Variants in TMTC2 observed in about 807,000 individuals in gnomAD.
TMTC2 encodes the protein protein O-mannosyl-transferase TMTC2.
A neutral mutation model predicts 82.4 loss-of-function variants in TMTC2; 43 were observed. That is an observed-to-expected ratio of 0.52 (90% CI 0.41 to 0.67). The LOEUF (loss-of-function observed/expected upper bound fraction) is 0.67, where lower values mean the gene tolerates loss of function less well. Among genes scored for constraint, TMTC2 ranks in the 30% least tolerant of loss-of-function variants. The pLI, the probability that TMTC2 is intolerant of heterozygous loss-of-function variation, is 0.00. For missense variants in TMTC2, 919 were observed against 1,012.4 expected (o/e 0.91, Z 1.25); for synonymous variants, 408 against 381.9 (o/e 1.07, Z -0.80).
chr12:83,088,964 C>T (rs954549728), intron 11 of TMTC2, among the ~76,000 whole-genome samples: 1 of 152,138 alleles, frequency 6.6e-6, no homozygotes, highest in African/African-American at 2.4e-5. Flanking sequence ...CCAGAAAATA[C>T]CTTTTTAGTT....
chr12:83,117,137 T>G (rs189084079), intron 11 of TMTC2, among the ~76,000 whole-genome samples: 1 of 152,288 alleles, frequency 6.6e-6, no homozygotes, highest in Admixed American at 6.5e-5. Context: ...TTTTATTCTC[T>G]TACGTGTGGC....
chr12:83,061,943 T>C, intron 11 of TMTC2, 112 bp downstream of exon 11: 1 of 834,176 alleles, frequency 1.2e-6, no homozygotes, highest in Non-Finnish European at 1.8e-6. Flanking sequence ...TTTTGTTTTG[T>C]TTTTTCTTTC....
At chr12:83,120,273 T>A (rs1884906886) in intron 11 of TMTC2, among the ~76,000 whole-genome samples, 1 of 152,200 alleles carries the variant, frequency 6.6e-6, no homozygotes, top group African/African-American at 2.4e-5. Flanking sequence ...TTAAAGAGGT[T>A]CTGTTTTGGT....
intron 8 of TMTC2, among the ~76,000 whole-genome samples, chr12:83,027,421 T>C (rs1040142777): frequency 6.6e-6 from 1 of 152,192 alleles, no homozygotes; most frequent in Non-Finnish European, 1.5e-5. Flanking sequence ...TGATAGATTA[T>C]TGGATGCTGC....
chr12:82,930,677 C>A, intron 4 of TMTC2, 132 bp downstream of exon 4: 1 of 524,242 alleles, frequency 1.9e-6, no homozygotes, highest in Non-Finnish European at 3.4e-6. Context: ...AATCATGCCT[C>A]TGAGACTATT....
intron 1 of TMTC2, among the ~76,000 whole-genome samples, chr12:82,690,044 A>G (rs1872512863): frequency 6.6e-6 from 1 of 152,250 alleles, no homozygotes; most frequent in Non-Finnish European, 1.5e-5. Context: ...GAGACACATA[A>G]ATAGGAGCAC....
At chr12:82,746,828 C>T (rs771022797) in intron 1 of TMTC2, among the ~76,000 whole-genome samples, 22 of 152,182 alleles carry the variant, frequency 1.4e-4, no homozygotes, top group Non-Finnish European at 2.6e-4. Context: ...AGTTTGAAGA[C>T]AGAGGAGGGC....
chr12:82,899,075 C>T (rs1392062692), intron 3 of TMTC2, among the ~76,000 whole-genome samples: 1 of 152,106 alleles, frequency 6.6e-6, no homozygotes, highest in Non-Finnish European at 1.5e-5. Context: ...TTAAACATTT[C>T]CTTGGTTTCC....
chr12:82,894,063 G>T (rs566393445), intron 2 of TMTC2, among the ~76,000 whole-genome samples: 2 of 152,280 alleles, frequency 1.3e-5, no homozygotes, highest in African/African-American at 4.8e-5. Flanking sequence ...AACTGGTTAC[G>T]TACTGTTACT....
chr12:83,051,419 G>A (rs1426188560), intron 10 of TMTC2, among the ~76,000 whole-genome samples: 6 of 151,982 alleles, frequency 3.9e-5, no homozygotes, highest in African/African-American at 1.4e-4. Context: ...CCTGGTCTAT[G>A]TGCACCATGT....
intron 7 of TMTC2, among the ~76,000 whole-genome samples, chr12:82,968,386 G>T (rs1049318267): frequency 6.6e-6 from 1 of 152,044 alleles, no homozygotes; most frequent in Non-Finnish European, 1.5e-5. Context: ...TAAAGCATGC[G>T]CTTAGGATAT....
intron 4 of TMTC2, among the ~76,000 whole-genome samples, chr12:82,943,486 T>G (rs759458041): frequency 6.6e-6 from 1 of 152,240 alleles, no homozygotes. Flanking sequence ...TATGGTCAGT[T>G]ACACTGCATC....
At chr12:82,829,065 G>C (rs1389769614) in intron 1 of TMTC2, among the ~76,000 whole-genome samples, 1 of 152,130 alleles carries the variant, frequency 6.6e-6, no homozygotes, top group Admixed American at 6.5e-5. Flanking sequence ...TGTTTTTCTA[G>C]TAGGTAGCAG....
chr12:82,700,502 G>C (rs1161852460), intron 1 of TMTC2, among the ~76,000 whole-genome samples: 1 of 152,076 alleles, frequency 6.6e-6, no homozygotes, highest in East Asian at 1.9e-4. Context: ...AGATTTCAGT[G>C]AACTATAATA....
intron 8 of TMTC2, among the ~76,000 whole-genome samples, chr12:82,993,478 T>A (rs935949874): frequency 6.6e-6 from 1 of 152,162 alleles, no homozygotes; most frequent in Non-Finnish European, 1.5e-5. Flanking sequence ...TAACTTTTTT[T>A]AAAGTTAGAT....
intron 1 of TMTC2, among the ~76,000 whole-genome samples, chr12:82,755,692 C>T (rs1228966903): frequency 6.6e-6 from 1 of 152,140 alleles, no homozygotes; most frequent in Non-Finnish European, 1.5e-5. Context: ...GTGAACTCTT[C>T]TGCTTTGTGT....
At chr12:82,757,038 A>C (rs1361127595) in intron 1 of TMTC2, among the ~76,000 whole-genome samples, 1 of 152,190 alleles carries the variant, frequency 6.6e-6, no homozygotes, top group Non-Finnish European at 1.5e-5. Context: ...AACACGTGAA[A>C]AACCCCTGGT....
chr12:82,764,601 C>G (rs552764184), intron 1 of TMTC2, among the ~76,000 whole-genome samples: 77 of 152,262 alleles, frequency 5.1e-4, no homozygotes, highest in African/African-American at 1.8e-3. Context: ...ACATTTTGCC[C>G]TTAAGCTCTG....
chr12:82,961,347 T>A (rs368946521), intron 4 of TMTC2, among the ~76,000 whole-genome samples: 1 of 151,910 alleles, frequency 6.6e-6, no homozygotes, highest in South Asian at 2.1e-4. Context: ...AGTGCTAGAA[T>A]TGGCCCAAAT....
Sources: allele counts gnomAD v4.1 joint callset (sites outside exome capture counted in the v4.1 genomes callset), GRCh38; gene constraint gnomAD v4.1.1; transcripts MANE v1.5; gene names NCBI Gene and HGNC (gene_info 2026-07-23, HGNC 2026-07-21).